PRKCE: variants seen among roughly 807,000 people sequenced by gnomAD.
The protein encoded by PRKCE is protein kinase C epsilon type.
PRKCE carries 16 observed loss-of-function variants against 85.4 expected under a neutral mutation model. The observed-to-expected ratio is 0.19, with a 90% confidence interval of 0.13 to 0.28. PRKCE has a LOEUF of 0.28. PRKCE is among the 10% of genes least tolerant of loss of function. The pLI, the probability that PRKCE is intolerant of heterozygous loss-of-function variation, is 1.00. For synonymous variants in PRKCE, 388 were observed against 371.5 expected (o/e 1.04, Z -0.51); for missense variants, 573 against 975.2 (o/e 0.59, Z 5.49).
intron 1 of PRKCE, among the ~76,000 whole-genome samples, chr2:45,707,000 C>G (rs758756511): frequency 6.6e-6 from 1 of 152,162 alleles, no homozygotes; most frequent in Non-Finnish European, 1.5e-5. Context: ...CGATTTTCCA[C>G]TTTGACTGGG....
chr2:45,947,881 A>G (rs939695674), intron 2 of PRKCE, among the ~76,000 whole-genome samples: 25 of 152,260 alleles, frequency 1.6e-4, no homozygotes, highest in African/African-American at 5.3e-4. Context: ...TTTATAACCT[A>G]TTGTACTTAA....
At chr2:45,890,855 G>A (rs1351294539) in intron 2 of PRKCE, among the ~76,000 whole-genome samples, 1 of 152,184 alleles carries the variant, frequency 6.6e-6, no homozygotes, top group African/African-American at 2.4e-5. Flanking sequence ...GTTGGATAGA[G>A]TGGAATTATG....
At chr2:45,725,837 A>C (rs1024627969) in intron 1 of PRKCE, among the ~76,000 whole-genome samples, 9 of 152,038 alleles carry the variant, frequency 5.9e-5, no homozygotes, top group Non-Finnish European at 8.8e-5. Flanking sequence ...CTCAAAAAAA[A>C]AACAAAAAAC....
At position 46,151,310 on chromosome 2, in the gene PRKCE, C is replaced by T. The variant is rs942686336; in HGVS notation, c.1920+81C>T. 9.4e-6 allele frequency: 11 copies of T among 1,165,402 alleles called. No homozygotes were observed. The South Asian group carries it at 1.4e-4, about 15-fold the overall frequency. 72.2% of individuals were successfully genotyped at this position (1,165,402 alleles called of 1,614,324 possible). ...ACACACACACACACACACACACACA[C>T]ACACACACACACACTCCCTTCTCCC... On this transcript the variant is annotated intron_variant, in intron 13 of 14. Coordinates refer to ENST00000306156, the MANE Select transcript of PRKCE (RefSeq NM_005400.3).
chr2:45,929,437 C>A (rs1212697863), intron 2 of PRKCE, among the ~76,000 whole-genome samples: 1 of 151,988 alleles, frequency 6.6e-6, no homozygotes, highest in Non-Finnish European at 1.5e-5. Context: ...CCCATTTATC[C>A]CCCCACGGGA....
At chr2:46,132,634 G>C (rs1188701787) in intron 11 of PRKCE, among the ~76,000 whole-genome samples, 1 of 152,070 alleles carries the variant, frequency 6.6e-6, no homozygotes, top group African/African-American at 2.4e-5. Flanking sequence ...CAAACCACAG[G>C]TCTAGGCCCA....
At chr2:45,751,957 AC>A (rs2104751706) in intron 1 of PRKCE, among the ~76,000 whole-genome samples, 1 of 148,420 alleles carries the variant, frequency 6.7e-6, no homozygotes, top group South Asian at 2.2e-4. Flanking sequence ...AGCTGGGACT[AC>A]AGGCGCCCGC....
intron 1 of PRKCE, among the ~76,000 whole-genome samples, chr2:45,717,316 G>A (rs1680217783): frequency 6.6e-6 from 1 of 152,208 alleles, no homozygotes; most frequent in Admixed American, 6.5e-5. Context: ...GCAGCACTTA[G>A]ATAACAACTG....
At chr2:46,081,209 A>G (rs1669042555) in intron 10 of PRKCE, among the ~76,000 whole-genome samples, 1 of 152,126 alleles carries the variant, frequency 6.6e-6, no homozygotes, top group Non-Finnish European at 1.5e-5. Context: ...TTTAGGCCTC[A>G]AGCCATCCTG....
chr2:46,002,710 C>G (rs2711285), intron 7 of PRKCE, among the ~76,000 whole-genome samples: 55,290 of 152,008 alleles, frequency 0.36, 10,263 homozygotes, highest in Admixed American at 0.46. Flanking sequence ...CAAGACTTCA[C>G]TTGTTGACCC....
intron 1 of PRKCE, among the ~76,000 whole-genome samples, chr2:45,763,379 T>C (rs1684669152): frequency 6.6e-6 from 1 of 152,192 alleles, no homozygotes; most frequent in Admixed American, 6.5e-5. Flanking sequence ...ACCTGTCTAG[T>C]GGATGATTAA....
chr2:45,672,064 CAAAAAA>C (rs3068989), intron 1 of PRKCE, among the ~76,000 whole-genome samples: 1 of 95,384 alleles, frequency 1.0e-5, no homozygotes. Context: ...CCCCCTGTCT[CAAAAAA>C]AAAAAAAAAA....
chr2:45,835,613 T>G (rs1444377878), intron 1 of PRKCE, among the ~76,000 whole-genome samples: 1 of 132,610 alleles, frequency 7.5e-6, no homozygotes, highest in Non-Finnish European at 1.7e-5. Flanking sequence ...TTTTTTTTTT[T>G]TAAGAGACAG....
At chr2:46,125,430 G>A (rs1200233194) in intron 11 of PRKCE, among the ~76,000 whole-genome samples, 1 of 152,152 alleles carries the variant, frequency 6.6e-6, no homozygotes, top group African/African-American at 2.4e-5. Flanking sequence ...TGAATTTGTG[G>A]GAGTCAATTT....
At chr2:45,994,893 A>G (rs1042997487) in intron 6 of PRKCE, among the ~76,000 whole-genome samples, 18 of 152,222 alleles carry the variant, frequency 1.2e-4, no homozygotes, top group Non-Finnish European at 2.6e-4. Flanking sequence ...ACCACTATGC[A>G]TTCCTACCAG....
chr2:45,998,059 A>G (rs1268355889), intron 6 of PRKCE, among the ~76,000 whole-genome samples: 5 of 152,038 alleles, frequency 3.3e-5, no homozygotes, highest in African/African-American at 4.8e-5. Context: ...GGTGTATTTT[A>G]TGGCCCAGAA....
At chr2:45,961,432 C>T (rs117474032) in intron 2 of PRKCE, among the ~76,000 whole-genome samples, 1 of 152,328 alleles carries the variant, frequency 6.6e-6, no homozygotes, top group East Asian at 1.9e-4. Context: ...TTCCGTGAGT[C>T]GGTTTCTGTA....
chr2:45,676,638 T>A (rs550875922), intron 1 of PRKCE: 3 of 152,354 alleles, frequency 2.0e-5, no homozygotes, highest in Admixed American at 6.5e-5. Context: ...TATTGCCCCA[T>A]TGTGATGAAA....
chr2:45,762,263 T>C (rs991904542), intron 1 of PRKCE, among the ~76,000 whole-genome samples: 5 of 152,220 alleles, frequency 3.3e-5, no homozygotes, highest in Admixed American at 2.0e-4. Flanking sequence ...TTCATTTCTA[T>C]TGGAAGAGAT....
Sources: gnomAD v4.1 joint callset for allele counts (sites outside exome capture counted in the v4.1 genomes callset) on GRCh38, gnomAD v4.1.1 for gene constraint, MANE v1.5 for transcripts, NCBI Gene and HGNC (gene_info 2026-07-23, HGNC 2026-07-21) for gene names.